Variants in LDB2 observed in about 807,000 individuals in gnomAD.
LDB2 encodes LIM domain binding 2, also known as LIM domain-binding protein 2.
In LDB2, 12 loss-of-function variants were observed where a neutral mutation model predicts 44.3. The observed-to-expected ratio is 0.27, with a 90% CI of 0.17 to 0.44. LDB2 has a LOEUF of 0.44. Ranked by LOEUF, LDB2 falls within the 20% of genes least tolerant of loss-of-function variation. LDB2 has a pLI of 1.00. For missense variants in LDB2, 344 were observed against 473.5 expected (o/e 0.73, Z 2.54); for synonymous variants, 164 against 174.8 (o/e 0.94, Z 0.49).
At chr4:16,659,671 G>GTGTGTGTATATATATATA (rs1315288524) in intron 2 of LDB2, among the ~76,000 whole-genome samples, 130 of 133,486 alleles carry the variant, frequency 9.7e-4, no homozygotes, top group African/African-American at 3.5e-3. Flanking sequence ...ATCTATGTGT[G>GTGTGTGTATATATATATA]TATATATATA....
chr4:16,521,423 C>G (rs536863953), intron 5 of LDB2, among the ~76,000 whole-genome samples: 1 of 151,938 alleles, frequency 6.6e-6, no homozygotes, highest in African/African-American at 2.4e-5. Context: ...TATAAGGACA[C>G]CAGTAATTAG....
chr4:16,585,638 C>T (rs1165980856), intron 5 of LDB2, among the ~76,000 whole-genome samples: 1 of 152,090 alleles, frequency 6.6e-6, no homozygotes, highest in Non-Finnish European at 1.5e-5. Context: ...GGGAAGCAGC[C>T]ACAAAGCATT....
intron 2 of LDB2, among the ~76,000 whole-genome samples, chr4:16,650,626 C>A (rs944574923): frequency 2.0e-5 from 3 of 152,160 alleles, no homozygotes; most frequent in African/African-American, 7.2e-5. Context: ...TTTTCAAATA[C>A]CAAACCTGCA....
At chr4:16,747,544 G>T (rs1186896655) in intron 2 of LDB2, among the ~76,000 whole-genome samples, 1 of 152,198 alleles carries the variant, frequency 6.6e-6, no homozygotes, top group Non-Finnish European at 1.5e-5. Context: ...CTTTCTAAAT[G>T]CCTCAAGTGA....
intron 5 of LDB2, among the ~76,000 whole-genome samples, chr4:16,570,621 G>A (rs564451247): frequency 1.3e-5 from 2 of 151,834 alleles, no homozygotes; most frequent in African/African-American, 2.4e-5. Flanking sequence ...AAATGATGAG[G>A]TGTGAGAGAA....
At chr4:16,759,532 T>C (rs1352244831) in intron 1 of LDB2, among the ~76,000 whole-genome samples, 1 of 152,248 alleles carries the variant, frequency 6.6e-6, no homozygotes, top group East Asian at 1.9e-4. Flanking sequence ...AAATGTGCTA[T>C]AAAACACAAT....
At chr4:16,672,832 T>TTTTTCTTTCCTTCC (rs376722890) in intron 2 of LDB2, among the ~76,000 whole-genome samples, 2 of 147,832 alleles carry the variant, frequency 1.4e-5, no homozygotes, top group East Asian at 4.1e-4. Context: ...GCCTGCCTTC[T>TTTTTCTTTCCTTCC]TTCCTTCCTT....
intron 2 of LDB2, among the ~76,000 whole-genome samples, chr4:16,691,230 T>C (rs747869285): frequency 1.8e-4 from 27 of 152,302 alleles, no homozygotes; most frequent in Non-Finnish European, 3.2e-4. Flanking sequence ...AGCTGGACTA[T>C]GCTACCTCTT....
At chr4:16,606,493 G>A (rs1723970651) in intron 2 of LDB2, among the ~76,000 whole-genome samples, 1 of 152,138 alleles carries the variant, frequency 6.6e-6, no homozygotes, top group Non-Finnish European at 1.5e-5. Flanking sequence ...ATATTGTCAA[G>A]TTTTTAATTT....
chr4:16,858,603 G>A (rs989467283), intron 1 of LDB2, among the ~76,000 whole-genome samples: 4 of 152,274 alleles, frequency 2.6e-5, no homozygotes, highest in Middle Eastern at 3.4e-3. Flanking sequence ...CACCAGACCC[G>A]GTCCTCGACT....
intron 1 of LDB2, among the ~76,000 whole-genome samples, chr4:16,838,595 C>A (rs190376784): frequency 3.2e-4 from 48 of 152,202 alleles, no homozygotes; most frequent in African/African-American, 1.1e-3. Flanking sequence ...AAAAGGACAC[C>A]CAGAGTGTAC....
intron 1 of LDB2, among the ~76,000 whole-genome samples, chr4:16,858,150 G>A (rs1162661550): frequency 1.3e-5 from 2 of 152,188 alleles, no homozygotes; most frequent in Admixed American, 1.3e-4. Flanking sequence ...ACAACCCAGT[G>A]AGATAGATAA....
At chr4:16,556,393 A>C (rs773976098) in intron 5 of LDB2, among the ~76,000 whole-genome samples, 5 of 152,224 alleles carry the variant, frequency 3.3e-5, no homozygotes, top group Non-Finnish European at 5.9e-5. Context: ...TGGTGAGAGC[A>C]AGCAATACAT....
At chr4:16,738,309 G>A (rs140415104) in intron 2 of LDB2, among the ~76,000 whole-genome samples, 223 of 152,298 alleles carry the variant, frequency 1.5e-3, no homozygotes, top group African/African-American at 5.2e-3. Flanking sequence ...AAAAGGGATT[G>A]CACAACTTTG....
At chr4:16,734,764 A>T (rs1306840690) in intron 2 of LDB2, among the ~76,000 whole-genome samples, 1 of 143,668 alleles carries the variant, frequency 7.0e-6, no homozygotes, top group Non-Finnish European at 1.5e-5. Context: ...GCTGGACTGC[A>T]GTGGCACAAT....
At chr4:16,581,991 GGGAAGGAAGGGAAGGAAGGAAGGAAGGAA>G (rs1196773786) in intron 5 of LDB2, among the ~76,000 whole-genome samples, 68 of 129,308 alleles carry the variant, frequency 5.3e-4, no homozygotes, top group Admixed American at 5.0e-3. Context: ...AGGGAAGGAA[GGGAAGGAAGGGAAGGAAGGAAGGAAGGAA>G]GGAAGGAAGG....
intron 2 of LDB2, among the ~76,000 whole-genome samples, chr4:16,758,817 G>A (rs1767257661): frequency 6.6e-6 from 1 of 152,184 alleles, no homozygotes; most frequent in South Asian, 2.1e-4. Context: ...GCAGAACATT[G>A]GATGTCAAGT....
intron 5 of LDB2, among the ~76,000 whole-genome samples, chr4:16,574,698 T>G (rs556472971): frequency 6.6e-6 from 1 of 152,354 alleles, no homozygotes; most frequent in East Asian, 1.9e-4. Context: ...CAGTACAAGT[T>G]GAGTCCTGAT....
At chr4:16,870,805 G>A (rs1716342804) in intron 1 of LDB2, among the ~76,000 whole-genome samples, 1 of 151,976 alleles carries the variant, frequency 6.6e-6, no homozygotes, top group Non-Finnish European at 1.5e-5. Flanking sequence ...GCTAGTTTTT[G>A]TAGTTTTTAG....
Sources: allele counts gnomAD v4.1 joint callset (sites outside exome capture counted in the v4.1 genomes callset), GRCh38; gene constraint gnomAD v4.1.1; transcripts MANE v1.5; gene names NCBI Gene and HGNC (gene_info 2026-07-23, HGNC 2026-07-21).